ADAMTSL1: variants seen among roughly 807,000 people sequenced by gnomAD.
ADAMTSL1 encodes ADAMTS like 1.
In ADAMTSL1, 126 loss-of-function variants were observed where a neutral mutation model predicts 201.8. The observed-to-expected ratio is 0.62, with a 90% CI of 0.54 to 0.72. The LOEUF (loss-of-function observed/expected upper bound fraction) is 0.72. ADAMTSL1 is among the 30% of genes least tolerant of loss of function. ADAMTSL1 has a pLI of 0.00. For synonymous variants in ADAMTSL1, 1,121 were observed against 903.4 expected, an observed-to-expected ratio of 1.24 and a Z score of -4.32; for missense variants, 2,679 against 2,277.8, an observed-to-expected ratio of 1.18 and a Z score of -3.59.
chr9:18,710,253 T>C (rs78207273), intron 14 of ADAMTSL1, among the ~76,000 whole-genome samples: 2,156 of 152,296 alleles, frequency 0.014, 14 homozygotes, highest in Middle Eastern at 0.031. Context: ...CCTTTAGCCA[T>C]TGCATTTGTT....
At chr9:18,659,911 G>GT (rs75384534) in intron 8 of ADAMTSL1, among the ~76,000 whole-genome samples, 44 of 93,182 alleles carry the variant, frequency 4.7e-4, no homozygotes, top group Admixed American at 3.1e-3. Context: ...TCTAAGGTTT[G>GT]TTTTTTTTAA....
At position 18,209,244 on chromosome 9, in the gene ADAMTSL1, C is replaced by T. The variant is rs772332478; in HGVS notation, c.207+45263C>T. ...GAGACAAAAATGCACATAAAAATTA[C>T]GTCAGACTTGTTTGTGATGGCTGAA... On this transcript the variant is annotated intron_variant, in intron 2 of 29. Coordinates refer to the ADAMTSL1 transcript ENST00000680146. Among the ~76,000 whole-genome samples, 6 of 150,610 alleles carry T rather than the reference C, an allele frequency of 4.0e-5. No individual in the cohort carries two copies. In the South Asian group the frequency reaches 6.3e-4, roughly 16 times the overall value.
chr9:18,622,400 A>G, intron 5 of ADAMTSL1, 31 bp downstream of exon 5: 1 of 1,613,828 alleles, frequency 6.2e-7, no homozygotes, highest in Non-Finnish European at 8.5e-7. Flanking sequence ...CGACCTTTGG[A>G]CTTGTTGACT....
intron 1 of ADAMTSL1, among the ~76,000 whole-genome samples, chr9:17,930,011 A>T (rs1026478066): frequency 2.6e-5 from 4 of 152,200 alleles, no homozygotes; most frequent in Non-Finnish European, 5.9e-5. Context: ...TGCAGTGAAT[A>T]AAACTGTCTT....
intron 23 of ADAMTSL1, among the ~76,000 whole-genome samples, chr9:18,845,867 A>G (rs781213118): frequency 6.6e-6 from 1 of 152,246 alleles, no homozygotes; most frequent in South Asian, 2.1e-4. Context: ...GTCTAAAGGC[A>G]GAGCTCACAG....
intron 7 of ADAMTSL1, among the ~76,000 whole-genome samples, chr9:18,657,147 G>A (rs1272787055): frequency 2.6e-5 from 4 of 152,154 alleles, no homozygotes; most frequent in Non-Finnish European, 5.9e-5. Flanking sequence ...ACACTAAATG[G>A]ACAAGAAGCC....
chr9:18,287,630 C>CACATATAT (rs1563860083), intron 2 of ADAMTSL1, among the ~76,000 whole-genome samples: 1,482 of 140,834 alleles, frequency 0.011, 65 homozygotes, highest in African/African-American at 0.037. Flanking sequence ...TATACATATA[C>CACATATAT]GCATATATGT....
chr9:18,777,902 G>C lies in ADAMTSL1; in HGVS notation c.3673G>C (p.Asp1225His). The C allele has an allele frequency of 6.5e-7, 1 of 1,543,460 alleles. No homozygotes were observed. Among genetic ancestry groups the C allele is most frequent in the Non-Finnish European group, 8.8e-7 (1 of 1,141,578 alleles). Reference protein sequence around the residue: ...ARNGEEVQFSDRILLQPDDSL... With the variant: ...ARNGEEVQFSHRILLQPDDSL... ...GAATGGAGAAGAAGTTCAGTTCAGTGACAGGTGAGCCTTGTAGCTAACCTG... is the reference window on the plus strand; with the variant it reads ...GAATGGAGAAGAAGTTCAGTTCAGTCACAGGTGAGCCTTGTAGCTAACCTG... Residue 1225 changes from aspartate (D) to histidine (H), a missense_variant, in exon 19 of 29, where the codon GAC becomes CAC. Asp to His is a moderately conservative substitution (Grantham distance 81, BLOSUM62 -1). Transcript: ENST00000380548.
intron 1 of ADAMTSL1, among the ~76,000 whole-genome samples, chr9:17,983,091 G>T (rs1293478441): frequency 1.5e-4 from 7 of 45,930 alleles, no homozygotes; most frequent in Admixed American, 3.3e-4. Flanking sequence ...TTTTTTTTGA[G>T]ACTGAATCTT....
At chr9:18,010,782 G>A (rs1330056598) in intron 1 of ADAMTSL1, among the ~76,000 whole-genome samples, 3 of 151,860 alleles carry the variant, frequency 2.0e-5, no homozygotes, top group Non-Finnish European at 2.9e-5. Flanking sequence ...TACCAAACCC[G>A]ACACCACCGT....
chr9:18,634,045 CACGACAATAGTATAAGGCAAGTTT>C (rs1353490833), intron 5 of ADAMTSL1, among the ~76,000 whole-genome samples: 1 of 151,998 alleles, frequency 6.6e-6, no homozygotes, highest in African/African-American at 2.4e-5. Context: ...TATATCTAGT[CACGACAATAGTATAAGGCAAGTTT>C]TGTTTTCCCT....
At chr9:18,733,633 C>CCACCCACCCACCCCCA in intron 15 of ADAMTSL1, among the ~76,000 whole-genome samples, 1 of 145,802 alleles carries the variant, frequency 6.9e-6, no homozygotes, top group Middle Eastern at 3.6e-3. Context: ...ACCACTCCCC[C>CCACCCACCCACCCCCA]CACACACACA....
intron 1 of ADAMTSL1, among the ~76,000 whole-genome samples, chr9:18,151,393 A>C (rs1826905700): frequency 6.6e-6 from 1 of 151,892 alleles, no homozygotes; most frequent in South Asian, 2.1e-4. Context: ...AGTTGGAAAG[A>C]CTCTCAGAAT....
At chr9:18,259,836 C>T (rs932890336) in intron 2 of ADAMTSL1, among the ~76,000 whole-genome samples, 1 of 151,918 alleles carries the variant, frequency 6.6e-6, no homozygotes, top group African/African-American at 2.4e-5. Context: ...TGCTGGTTTT[C>T]TTAGTTAAAA....
At chr9:18,137,906 T>C (rs2131991795) in intron 1 of ADAMTSL1, among the ~76,000 whole-genome samples, 1 of 152,268 alleles carries the variant, frequency 6.6e-6, no homozygotes, top group East Asian at 1.9e-4. Context: ...TAAGACTCAC[T>C]CAAGTAAATC....
chr9:18,171,807 T>A (rs1271047704), intron 2 of ADAMTSL1, among the ~76,000 whole-genome samples: 1 of 152,102 alleles, frequency 6.6e-6, no homozygotes, highest in Non-Finnish European at 1.5e-5. Context: ...GTTTTTATGG[T>A]TTTAGGTCTT....
intron 23 of ADAMTSL1, among the ~76,000 whole-genome samples, chr9:18,854,740 A>G (rs1826736246): frequency 6.6e-6 from 1 of 152,120 alleles, no homozygotes; most frequent in Non-Finnish European, 1.5e-5. Flanking sequence ...GACTCTTGGA[A>G]ACTGGAGAGG....
At chr9:18,761,270 C>T (rs1820057302) in intron 16 of ADAMTSL1, among the ~76,000 whole-genome samples, 1 of 152,212 alleles carries the variant, frequency 6.6e-6, no homozygotes, top group South Asian at 2.1e-4. Flanking sequence ...CAAGAAGAAA[C>T]CAGAAATTTC....
intron 1 of ADAMTSL1, among the ~76,000 whole-genome samples, chr9:17,985,113 A>G (rs1818869645): frequency 6.6e-6 from 1 of 152,144 alleles, no homozygotes; most frequent in Non-Finnish European, 1.5e-5. Context: ...TTAATTGTAT[A>G]AAAGATTGAG....
Sources: allele counts gnomAD v4.1 joint callset (sites outside exome capture counted in the v4.1 genomes callset), GRCh38; gene constraint gnomAD v4.1.1; transcripts MANE v1.5; gene names NCBI Gene and HGNC (gene_info 2026-07-23, HGNC 2026-07-21).